TRMT44: variants seen among roughly 807,000 people sequenced by gnomAD.
The protein encoded by TRMT44 is tRNA methyltransferase 44 homolog.
Under a neutral mutation model 77.3 loss-of-function variants are expected in TRMT44, and 78 were observed. The ratio of observed to expected loss-of-function variants is 1.01; its 90% confidence interval spans 0.84 to 1.22. The LOEUF (loss-of-function observed/expected upper bound fraction) is 1.22, where lower values mean the gene tolerates loss of function less well. TRMT44 is among the 50% of genes most tolerant of loss of function. The probability of loss-of-function intolerance (pLI) is 0.00; values close to 1 mark genes in which losing one functional copy is unlikely to be tolerated. For synonymous variants in TRMT44, 391 were observed against 383.3 expected (o/e 1.02, Z -0.23); for missense variants, 1,090 against 964.4 (o/e 1.13, Z -1.73).
chr4:8,499,421 A>G, the TRMT44 span, among the ~76,000 whole-genome samples: 1 of 152,038 alleles, frequency 6.6e-6, no homozygotes, highest in Non-Finnish European at 1.5e-5. Context: ...CACCTGCCAT[A>G]CATTTCTCCA....
At chr4:8,491,076 G>A (rs1048490412) in intron 2 of TRMT44, among the ~76,000 whole-genome samples, 2 of 151,300 alleles carry the variant, frequency 1.3e-5, no homozygotes, top group African/African-American at 4.9e-5. Context: ...GCCGATTGGT[G>A]TATTTACAAT....
At chr4:8,463,864 A>G (rs1441824318) in intron 6 of TRMT44, 121 bp from the exon 7 acceptor site, 1 of 759,686 alleles carries the variant, frequency 1.3e-6, no homozygotes, top group Non-Finnish European at 2.2e-6. Context: ...GTCATGCAGC[A>G]GGTGAACTGC....
chr4:8,449,949 C>CTTTTCTTTTCTTTT (rs761311536), intron 3 of TRMT44, 61 bp downstream of exon 3: 127 of 238,818 alleles, frequency 5.3e-4, no homozygotes, highest in South Asian at 1.1e-3. Context: ...CTTTTCTTTT[C>CTTTTCTTTTCTTTT]TTTTTTTTTT....
intron 6 of TRMT44, among the ~76,000 whole-genome samples, chr4:8,458,801 G>A (rs1227214912): frequency 6.6e-6 from 1 of 152,170 alleles, no homozygotes; most frequent in East Asian, 1.9e-4. Flanking sequence ...TAAGGATATA[G>A]TATATAATAC....
chr4:8,490,934 ATCGACACAAAGGTTC>A (rs1262773028), intron 2 of TRMT44, among the ~76,000 whole-genome samples: 3 of 152,104 alleles, frequency 2.0e-5, no homozygotes, highest in African/African-American at 7.2e-5. Context: ...GATACAGAGT[ATCGACACAAAGGTTC>A]TCCGAGGCCC....
At chr4:8,449,944 C>CTTTTCTTTTA in intron 3 of TRMT44, 56 bp downstream of exon 3, 5 of 376,682 alleles carry the variant, frequency 1.3e-5, no homozygotes, top group Non-Finnish European at 1.9e-5. Flanking sequence ...CTTTTCTTTT[C>CTTTTCTTTTA]TTTTCTTTTT....
At chr4:8,506,162 G>A in the TRMT44 span, among the ~76,000 whole-genome samples, 2 of 152,214 alleles carry the variant, frequency 1.3e-5, no homozygotes, top group African/African-American at 4.8e-5. Context: ...GGCACTCCCT[G>A]CTCTCATGGG....
chr4:8,489,066 C>A (rs56908591), intron 2 of TRMT44, among the ~76,000 whole-genome samples: 3,515 of 152,286 alleles, frequency 0.023, 285 homozygotes, highest in Admixed American at 0.15. Context: ...ACAAGTAAGA[C>A]CTTGAAAGGA....
intron 5 of TRMT44, 120 bp from the exon 6 acceptor site, chr4:8,454,622 A>C (rs1725675324): frequency 1.1e-6 from 1 of 881,208 alleles, no homozygotes; most frequent in Admixed American, 2.1e-5. Context: ...AGTTGCTGGC[A>C]GGAAGCTCTT....
rs182130941 is a variant in TRMT44, at chr4:8,445,883, A to C, written c.620-593A>C. ...AAGGTAAACACGATTGATTTTAGAG[A>C]TAGAACTTTATACAACCAAACCTTA... On this transcript the variant is annotated intron_variant, in intron 1 of 10. Coordinates refer to ENST00000389737, the MANE Select transcript of TRMT44 (RefSeq NM_152544.3). Among the ~76,000 whole-genome samples, 4 of 152,264 alleles carry C rather than the reference A, an allele frequency of 2.6e-5. No individual in the cohort carries two copies. In the East Asian group the frequency reaches 5.8e-4, roughly 22 times the overall value.
chr4:8,497,303 A>G (rs924836775), downstream of TRMT44, among the ~76,000 whole-genome samples: 1 of 152,210 alleles, frequency 6.6e-6, no homozygotes, highest in Non-Finnish European at 1.5e-5. Flanking sequence ...CAAGCTATGC[A>G]CTATATGATT....
chr4:8,454,972 GAC>G, intron 6 of TRMT44, 159 bp downstream of exon 6: 2 of 724,148 alleles, frequency 2.8e-6, no homozygotes, highest in South Asian at 3.7e-5. Flanking sequence ...GAGAAAAAGA[GAC>G]ATGAAACTAG....
intron 2 of TRMT44, among the ~76,000 whole-genome samples, chr4:8,485,396 G>A (rs1727772344): frequency 6.6e-6 from 1 of 151,364 alleles, no homozygotes; most frequent in African/African-American, 2.4e-5. Flanking sequence ...TGTAAGACTT[G>A]TCCGGTTTTT....
At chr4:8,498,659 C>T in the TRMT44 span, among the ~76,000 whole-genome samples, 61 of 152,132 alleles carry the variant, frequency 4.0e-4, no homozygotes, top group Non-Finnish European at 5.4e-4. This position sits in a 1 kb window ranked among gnomAD's most constrained non-coding sequence, Gnocchi z 4.3. Context: ...AAGGAGGGTC[C>T]CATGCTGAGA....
the TRMT44 span, among the ~76,000 whole-genome samples, chr4:8,502,480 C>T: frequency 2.0e-5 from 3 of 152,226 alleles, no homozygotes; most frequent in South Asian, 6.2e-4. Context: ...TAGCAAGGTT[C>T]CCTGCTCACG....
intron 9 of TRMT44, chr4:8,468,644 A>G (rs1726771393): frequency 3.6e-6 from 2 of 555,160 alleles, no homozygotes; most frequent in South Asian, 5.3e-5. Flanking sequence ...TCTAGAAATT[A>G]TCCAAAGAGA....
At position 8,474,146 on chromosome 4, in the gene TRMT44, C is replaced by A. The variant is rs997299206; in HGVS notation, c.2045-1626C>A. ...AGCCTTTGGCCTCAGTGATCCCCCA[C>A]CCCCCATTCTCTTGACAGGTCAGGG... On this transcript the variant is annotated intron_variant, in intron 10 of 10. Transcript: ENST00000389737. Among the ~76,000 whole-genome samples, 70 of 151,970 alleles carry A rather than the reference C, an allele frequency of 4.6e-4. 5 individuals are homozygous for A.
chr4:8,451,911 G>C lies in TRMT44; in HGVS notation c.955-49G>C. 6.8e-7 allele frequency: 1 copy of C among 1,477,848 alleles called. No homozygotes were observed. Among genetic ancestry groups the C allele is most frequent in the Non-Finnish European group, 9.1e-7 (1 of 1,093,726 alleles). 91.5% of individuals were successfully genotyped at this position (1,477,848 alleles called of 1,614,324 possible). A position where few individuals can be genotyped will look rare whatever the true frequency, so the allele number is the denominator to read the frequency against. ...AGGGATACTTAAAGTATTGGGAAAT[G>C]GTGGTGGGGAAACCGAACAATTTAT... On this transcript the variant is annotated intron_variant, in intron 3 of 10. Coordinates refer to ENST00000389737, the MANE Select transcript of TRMT44 (RefSeq NM_152544.3). This position sits in a 1 kb window ranked among gnomAD's most constrained non-coding sequence, Gnocchi z 4.1.
chr4:8,449,387 T>C (rs1199017170), intron 2 of TRMT44, among the ~76,000 whole-genome samples: 1 of 152,232 alleles, frequency 6.6e-6, no homozygotes, highest in East Asian at 1.9e-4. Flanking sequence ...TCCTTGTGCA[T>C]GAAGCAGCAG....
Sources: gnomAD v4.1 joint callset for allele counts (sites outside exome capture counted in the v4.1 genomes callset) on GRCh38, gnomAD v4.1.1 for gene constraint, Gnocchi (gnomAD v3.1) non-coding constraint, MANE v1.5 for transcripts, NCBI Gene and HGNC (gene_info 2026-07-23, HGNC 2026-07-21) for gene names.